EFHC2: variants seen among roughly 807,000 people sequenced by gnomAD.
EFHC2 encodes EF-hand domain-containing family member C2.
In EFHC2, 18 loss-of-function variants were observed where a neutral mutation model predicts 52.7. The ratio of observed to expected loss-of-function variants is 0.34; its 90% CI spans 0.24 to 0.51. The LOEUF (loss-of-function observed/expected upper bound fraction) is 0.51. Among genes scored for constraint, EFHC2 ranks in the 20% least tolerant of loss-of-function variants. The probability of loss-of-function intolerance (pLI) is 0.97; values close to 1 mark genes in which losing one functional copy is unlikely to be tolerated. For missense variants in EFHC2, 513 were observed against 562.5 expected (o/e 0.91, Z 0.89); for synonymous variants, 203 against 204.1 (o/e 0.99, Z 0.04).
intron 4 of EFHC2, among the ~76,000 whole-genome samples, chrX:44,260,849 AAG>A (rs2037532469): frequency 1.8e-5 from 2 of 112,082 alleles, no homozygotes; most frequent in African/African-American, 6.5e-5. Flanking sequence ...TACTGCCTGA[AAG>A]AGAGAGTCTC....
At chrX:44,297,249 G>A (rs1439047523) in intron 2 of EFHC2, among the ~76,000 whole-genome samples, 1 of 111,502 alleles carries the variant, frequency 9.0e-6, no homozygotes, top group East Asian at 2.8e-4. Context: ...GAAAAGCCTT[G>A]TTCTTTCTAC....
At chrX:44,170,561 G>T (rs1173214487) in intron 13 of EFHC2, among the ~76,000 whole-genome samples, 1 of 110,448 alleles carries the variant, frequency 9.1e-6, no homozygotes, top group Non-Finnish European at 1.9e-5. Context: ...CATCACAGAG[G>T]CCTCCCTCTG....
chrX:44,226,235 A>G (rs924715688), intron 11 of EFHC2, among the ~76,000 whole-genome samples: 9 of 111,873 alleles, frequency 8.0e-5, no homozygotes, highest in Admixed American at 4.7e-4. Flanking sequence ...GCAGGATGAG[A>G]GTTAAGAAAA....
chrX:44,340,628 C>T (rs1260086189), intron 1 of EFHC2, among the ~76,000 whole-genome samples: 2 of 111,308 alleles, frequency 1.8e-5, no homozygotes, highest in African/African-American at 3.3e-5. Context: ...CACTGCACTC[C>T]AGCCTGGGCA....
chrX:44,273,686 G>A (rs1347536829), intron 2 of EFHC2, among the ~76,000 whole-genome samples: 2 of 111,460 alleles, frequency 1.8e-5, no homozygotes, highest in Non-Finnish European at 3.8e-5. Context: ...ATGGCATCCT[G>A]CTCACACACT....
intron 11 of EFHC2, among the ~76,000 whole-genome samples, chrX:44,195,083 T>C (rs1361194920): frequency 8.9e-6 from 1 of 112,125 alleles, no homozygotes; most frequent in Non-Finnish European, 1.9e-5. Flanking sequence ...TCTATGCCCT[T>C]TCCTGTGTCG....
intron 11 of EFHC2, among the ~76,000 whole-genome samples, chrX:44,214,431 C>T (rs1014084085): frequency 8.9e-6 from 1 of 112,387 alleles, no homozygotes; most frequent in African/African-American, 3.2e-5. Context: ...ACTTCTCAGA[C>T]ACCATGCAAG....
At chrX:44,221,771 T>C (rs1210984794) in intron 11 of EFHC2, among the ~76,000 whole-genome samples, 3 of 111,930 alleles carry the variant, frequency 2.7e-5, no homozygotes, top group East Asian at 5.6e-4. Context: ...GTCTTCCCAT[T>C]CAGAGATATC....
intron 13 of EFHC2, among the ~76,000 whole-genome samples, chrX:44,167,429 C>A (rs2036704459): frequency 8.9e-6 from 1 of 112,145 alleles, no homozygotes; most frequent in African/African-American, 3.2e-5. Context: ...ACCACTAACT[C>A]TGATATTTAC....
At chrX:44,288,650 G>A (rs1351154654) in intron 2 of EFHC2, among the ~76,000 whole-genome samples, 2 of 111,691 alleles carry the variant, frequency 1.8e-5, no homozygotes, top group Non-Finnish European at 3.8e-5. Context: ...ATTGTTTTCT[G>A]TATTTTTTGT....
At chrX:44,157,982 T>C (rs2036621460) in intron 14 of EFHC2, among the ~76,000 whole-genome samples, 1 of 111,225 alleles carries the variant, frequency 9.0e-6, no homozygotes, top group African/African-American at 3.3e-5. Context: ...GCTCACTGTT[T>C]TGGAGGGATG....
intron 13 of EFHC2, among the ~76,000 whole-genome samples, chrX:44,169,755 T>A (rs1224497379): frequency 9.1e-6 from 1 of 110,173 alleles, no homozygotes; most frequent in Non-Finnish European, 1.9e-5. Flanking sequence ...ATACACACTC[T>A]CTCTCTCTCT....
intron 9 of EFHC2, 128 bp downstream of exon 9, chrX:44,235,177 G>A: frequency 3.6e-6 from 2 of 550,841 alleles, no homozygotes; most frequent in Non-Finnish European, 5.1e-6. Context: ...ATTGTTCAGG[G>A]TTTTTTTTTA....
At chrX:44,172,655 A>G (rs2036755134) in intron 13 of EFHC2, among the ~76,000 whole-genome samples, 1 of 112,452 alleles carries the variant, frequency 8.9e-6, no homozygotes, top group Admixed American at 9.4e-5. Flanking sequence ...TTCTACTTCC[A>G]TTAGAGGCTC....
chrX:44,197,593 C>A, intron 11 of EFHC2, among the ~76,000 whole-genome samples: 1 of 112,126 alleles, frequency 8.9e-6, no homozygotes, highest in Middle Eastern at 4.6e-3. Context: ...GAGGCTGGCA[C>A]TCCCAAAAGG....
intron 2 of EFHC2, among the ~76,000 whole-genome samples, chrX:44,297,748 C>T (rs1270236204): frequency 2.0e-5 from 2 of 100,266 alleles, no homozygotes; most frequent in Non-Finnish European, 4.0e-5. Context: ...AAAAAAAAAC[C>T]GATGATGATG....
intron 2 of EFHC2, among the ~76,000 whole-genome samples, chrX:44,304,087 G>A (rs192072442): frequency 7.9e-4 from 89 of 112,104 alleles, no homozygotes; most frequent in African/African-American, 2.9e-3. Context: ...ATATTCCAAC[G>A]TTTTATAAAA....
At chrX:44,336,685 A>T (rs67598325) in intron 1 of EFHC2, among the ~76,000 whole-genome samples, 10,282 of 111,892 alleles carry the variant, frequency 0.092, 688 homozygotes, top group African/African-American at 0.23. Flanking sequence ...CTTGTTTAAC[A>T]AGTATTGAAA....
At chrX:44,316,395 C>T (rs2037983145) in intron 1 of EFHC2, among the ~76,000 whole-genome samples, 2 of 112,212 alleles carry the variant, frequency 1.8e-5, no homozygotes, top group Admixed American at 9.5e-5. Context: ...GGGCAAGCCA[C>T]AGCTCCCAAC....
Sources: allele counts gnomAD v4.1 joint callset (sites outside exome capture counted in the v4.1 genomes callset), GRCh38; gene constraint gnomAD v4.1.1; transcripts MANE v1.5; gene names NCBI Gene and HGNC (gene_info 2026-07-23, HGNC 2026-07-21).